VAV2: variants seen among roughly 807,000 people sequenced by gnomAD.
VAV2 encodes vav guanine nucleotide exchange factor 2, also known as guanine nucleotide exchange factor VAV2.
In VAV2, 67 loss-of-function variants were observed where a neutral mutation model predicts 132.5. That is an observed-to-expected ratio of 0.51 (90% CI 0.42 to 0.62). VAV2 has a LOEUF of 0.62. VAV2 is among the 20% of genes least tolerant of loss of function. The pLI, the probability that VAV2 is intolerant of heterozygous loss-of-function variation, is 0.00. For missense variants in VAV2, 938 were observed against 1,153.6 expected, an observed-to-expected ratio of 0.81 and a Z score of 2.71; for synonymous variants, 492 against 443.5, an observed-to-expected ratio of 1.11 and a Z score of -1.37.
Position 133,769,338 on chromosome 9 carries a change from C to T in VAV2, c.2434+79G>A. 1 of 1,437,218 alleles carries T rather than the reference C, an allele frequency of 7.0e-7. No homozygotes were observed. Among genetic ancestry groups the T allele is most frequent in the Non-Finnish European group, 9.4e-7 (1 of 1,059,334 alleles). 89.0% of individuals were successfully genotyped at this position (1,437,218 alleles called of 1,614,324 possible). A position where few individuals can be genotyped will look rare whatever the true frequency, so the allele number is the denominator to read the frequency against. On this transcript the variant is annotated intron_variant, in intron 28 of 29. Transcript: ENST00000371850. This position sits in a 1 kb window ranked among gnomAD's most constrained non-coding sequence, Gnocchi z 8.1. Reference sequence around the variant, plus strand: ...GCCACGTCAGGCAGGGCTGTGGGGCCAGTGGGCAGCTCCGTGCTGGGTCTC... The same window carrying T: ...GCCACGTCAGGCAGGGCTGTGGGGCTAGTGGGCAGCTCCGTGCTGGGTCTC...
At position 133,776,031 on chromosome 9, in the gene VAV2, G is replaced by A. The variant is rs752817573; in HGVS notation, c.2015C>T (p.Pro672Leu). Residue 672 changes from proline (P) to leucine (L), a missense_variant, in exon 24 of 30, where the codon CCC becomes CTC. By Grantham distance (98) the Pro-to-Leu change is moderately conservative. Coordinates refer to ENST00000371850, the MANE Select transcript of VAV2 (RefSeq NM_001134398.2). ...CTGCAGCCCACGATCCACTCACCAG[G>A]GGTATGCAGTGTAGTCGATCTCCCG... ...PSREIDYTAY[P>L]WFAGNMERQQ... The A allele has an allele frequency of 1.9e-6, 3 of 1,612,378 alleles. No homozygotes were observed. Among genetic ancestry groups the A allele is most frequent in the Admixed American group, 1.7e-5 (1 of 59,942 alleles).
chr9:133,985,567 C>G (rs1002843749), intron 1 of VAV2, among the ~76,000 whole-genome samples: 3 of 152,200 alleles, frequency 2.0e-5, no homozygotes, highest in African/African-American at 7.2e-5. Flanking sequence ...CAGGCATGAG[C>G]CATCGCGCCC....
chr9:133,893,775 G>A (rs972435535), intron 2 of VAV2, among the ~76,000 whole-genome samples: 1 of 152,216 alleles, frequency 6.6e-6, no homozygotes, highest in Non-Finnish European at 1.5e-5. Flanking sequence ...CCGAGGCCCA[G>A]CATCGCAGCA....
At chr9:133,861,216 T>A in intron 3 of VAV2, 158 bp downstream of exon 3, 403 of 560,034 alleles carry the variant, frequency 7.2e-4, no homozygotes, top group Middle Eastern at 1.8e-3. Flanking sequence ...CACCCCTTCC[T>A]GCAGCCGCCA....
At chr9:133,805,342 A>G (rs976329080) in intron 9 of VAV2, among the ~76,000 whole-genome samples, 1 of 152,282 alleles carries the variant, frequency 6.6e-6, no homozygotes, top group East Asian at 1.9e-4. Context: ...CAAGTTCAGG[A>G]AGCATTAGCA....
intron 10 of VAV2, 78 bp downstream of exon 10, chr9:133,797,632 G>C (rs1564357747): frequency 7.8e-7 from 1 of 1,279,118 alleles, no homozygotes; most frequent in Non-Finnish European, 1.1e-6. Context: ...GCAAGAGAGA[G>C]GCTGGTACCT....
At chr9:133,898,006 G>A (rs1057119534) in intron 2 of VAV2, among the ~76,000 whole-genome samples, 22 of 152,102 alleles carry the variant, frequency 1.4e-4, no homozygotes, top group Non-Finnish European at 2.4e-4. Context: ...GCCCAGCAGG[G>A]CTTAGGGACA....
chr9:133,878,151 C>T (rs1007638053), intron 2 of VAV2, among the ~76,000 whole-genome samples: 3 of 152,218 alleles, frequency 2.0e-5, no homozygotes, highest in African/African-American at 7.2e-5. Context: ...CACTCTCCGC[C>T]GGCCTGCGTC....
chr9:133,806,957 G>A (rs542452625), intron 8 of VAV2, among the ~76,000 whole-genome samples: 60 of 152,372 alleles, frequency 3.9e-4, no homozygotes, highest in African/African-American at 1.3e-3. Flanking sequence ...GGAGGGACAC[G>A]TTTCTCTCTG....
At chr9:133,870,342 A>G (rs1469903730) in intron 2 of VAV2, among the ~76,000 whole-genome samples, 3 of 152,154 alleles carry the variant, frequency 2.0e-5, no homozygotes, top group African/African-American at 7.2e-5. Flanking sequence ...CACTCGAGCC[A>G]GGCAACTAGC....
In VAV2 at chr9:133,772,042, T is replaced by G. The variant is rs751820840; in HGVS notation, c.2140A>C (p.Asn714His). 1.7e-6 allele frequency: 2 copies of G among 1,154,646 alleles called. No homozygotes were observed. The highest frequency in any genetic ancestry group is 2.4e-5 in the Admixed American group (1 of 41,630). The allele number at this position is 1,154,646 out of a possible 1,614,324, so 71.5% of individuals were successfully genotyped here. A position where few individuals can be genotyped will look rare whatever the true frequency, so the allele number is the denominator to read the frequency against. ...AERFAISIKF[N>H]DEVKHIKVVE... Reference sequence around the variant, plus strand: ...ACCTTGATGTGCTTCACCTCATCATTGAACCTGAGCAAACACACGGCCCCG... The same window carrying G: ...ACCTTGATGTGCTTCACCTCATCATGGAACCTGAGCAAACACACGGCCCCG... Residue 714 changes from asparagine (N) to histidine (H), a missense_variant, in exon 26 of 30, where the codon AAT (asparagine) becomes CAT (histidine). Coordinates refer to ENST00000371850, the MANE Select transcript of VAV2 (RefSeq NM_001134398.2).
At chr9:133,974,370 C>A (rs943964756) in intron 1 of VAV2, among the ~76,000 whole-genome samples, 1 of 152,196 alleles carries the variant, frequency 6.6e-6, no homozygotes, top group African/African-American at 2.4e-5. Flanking sequence ...CAACCTCCAG[C>A]CTCCCCTTGA....
chr9:133,778,528 C>T (rs1286271783), intron 22 of VAV2, among the ~76,000 whole-genome samples: 1 of 152,210 alleles, frequency 6.6e-6, no homozygotes, highest in Non-Finnish European at 1.5e-5. Flanking sequence ...CCTACCATGT[C>T]AAAGCAAACA....
intron 1 of VAV2, among the ~76,000 whole-genome samples, chr9:133,964,036 T>C (rs1187839577): frequency 1.0e-5 from 1 of 99,046 alleles, no homozygotes; most frequent in Non-Finnish European, 2.2e-5. Context: ...TATATATATA[T>C]ATATATATAT....
intron 2 of VAV2, among the ~76,000 whole-genome samples, chr9:133,914,543 G>T (rs1339935144): frequency 7.1e-6 from 1 of 141,418 alleles, no homozygotes; most frequent in Non-Finnish European, 1.5e-5. Context: ...ACCAAGGGCA[G>T]TGGGGATGGG....
intron 2 of VAV2, among the ~76,000 whole-genome samples, chr9:133,870,977 T>C (rs1189353658): frequency 2.7e-4 from 33 of 123,394 alleles, no homozygotes; most frequent in African/African-American, 9.8e-4. Context: ...GGTGGGTAGA[T>C]GGATGGATGG....
chr9:133,908,502 G>GC (rs1197449116), intron 2 of VAV2, among the ~76,000 whole-genome samples: 2 of 94,682 alleles, frequency 2.1e-5, no homozygotes, highest in South Asian at 3.4e-4. Context: ...ACAAGGACCC[G>GC]CCCCCCAACT....
intron 2 of VAV2, among the ~76,000 whole-genome samples, chr9:133,880,788 C>T (rs1838458819): frequency 6.6e-6 from 1 of 152,206 alleles, no homozygotes; most frequent in South Asian, 2.1e-4. Context: ...CTCAATTTTG[C>T]TAAGTCTAAA....
rs889660331 is a variant in VAV2, at chr9:133,788,783, G to A, written c.1275-297C>T. ...CTCCCATGCAGCACTGACCCCCGAC[G>A]GCTACTCCCAGTTGATCCCGCGCTG... On this transcript the variant is annotated intron_variant, in intron 14 of 29. Coordinates refer to ENST00000371850, the MANE Select transcript of VAV2 (RefSeq NM_001134398.2). This position sits in a 1 kb window ranked among gnomAD's most constrained non-coding sequence, Gnocchi z 5.3. Among the ~76,000 whole-genome samples the A allele has an allele frequency of 2.6e-5, 4 of 152,146 alleles. No homozygotes were observed. The highest frequency in any genetic ancestry group is 4.4e-5 in the Non-Finnish European group (3 of 68,018).
Sources: allele counts gnomAD v4.1 joint callset (sites outside exome capture counted in the v4.1 genomes callset), GRCh38; gene constraint gnomAD v4.1.1; non-coding constraint Gnocchi (gnomAD v3.1); transcripts MANE v1.5; gene names NCBI Gene and HGNC (gene_info 2026-07-23, HGNC 2026-07-21).